DNAI4: variants seen among roughly 807,000 people sequenced by gnomAD.
DNAI4 encodes the protein WD repeat domain 78.
DNAI4 carries 85 observed loss-of-function variants against 105.8 expected under a neutral mutation model. That is an observed-to-expected ratio of 0.80 (90% CI 0.67 to 0.96). DNAI4 has a LOEUF of 0.96. Ranked by LOEUF, DNAI4 falls within the 40% of genes least tolerant of loss-of-function variation. DNAI4 has a pLI of 0.00. For missense variants in DNAI4, 1,014 were observed against 1,005.6 expected (o/e 1.01, Z -0.11); for synonymous variants, 352 against 331.5 (o/e 1.06, Z -0.67).
chr1:66,915,993 G>A (rs547530392), intron 1 of DNAI4, among the ~76,000 whole-genome samples: 9 of 150,636 alleles, frequency 6.0e-5, no homozygotes, highest in African/African-American at 1.7e-4. Context: ...GTGGTGGTGT[G>A]CACCTATAAT....
chr1:66,878,058 C>A (rs1034439431), intron 4 of DNAI4, among the ~76,000 whole-genome samples: 1 of 152,100 alleles, frequency 6.6e-6, no homozygotes, highest in Non-Finnish European at 1.5e-5. Flanking sequence ...ACATGCAAAG[C>A]CCATACTTGT....
intron 1 of DNAI4, among the ~76,000 whole-genome samples, chr1:66,907,870 G>A (rs1404803107): frequency 6.6e-6 from 1 of 152,046 alleles, no homozygotes; most frequent in Non-Finnish European, 1.5e-5. Flanking sequence ...TATTTTTCCA[G>A]CTTAAATACC....
intron 1 of DNAI4, among the ~76,000 whole-genome samples, chr1:66,916,309 T>G (rs1650071957): frequency 6.6e-6 from 1 of 152,204 alleles, no homozygotes; most frequent in African/African-American, 2.4e-5. Flanking sequence ...AGATTAAATT[T>G]TTTTTAAATT....
At chr1:66,854,891 T>C (rs1259976756) in intron 7 of DNAI4, among the ~76,000 whole-genome samples, 1 of 152,194 alleles carries the variant, frequency 6.6e-6, no homozygotes, top group Non-Finnish European at 1.5e-5. Flanking sequence ...ACATTCCATG[T>C]TCACAGATTG....
At chr1:66,855,947 G>T (rs1646490754) in intron 7 of DNAI4, among the ~76,000 whole-genome samples, 1 of 152,026 alleles carries the variant, frequency 6.6e-6, no homozygotes, top group Non-Finnish European at 1.5e-5. Context: ...CGATTCTCCT[G>T]CCTCAGCCTC....
chr1:66,863,613 C>T (rs1483182604), intron 6 of DNAI4, among the ~76,000 whole-genome samples: 2 of 152,104 alleles, frequency 1.3e-5, no homozygotes, highest in Non-Finnish European at 2.9e-5. Context: ...GCACCCACAC[C>T]ACGCCTGGCT....
intron 16 of DNAI4, among the ~76,000 whole-genome samples, chr1:66,817,583 A>G (rs1465904683): frequency 6.6e-6 from 1 of 152,030 alleles, no homozygotes; most frequent in Non-Finnish European, 1.5e-5. Context: ...AAAGAAAAAA[A>G]GAAAAAAAAA....
intron 1 of DNAI4, among the ~76,000 whole-genome samples, chr1:66,914,009 AACG>A: frequency 6.6e-6 from 1 of 151,652 alleles, no homozygotes; most frequent in East Asian, 2.0e-4. Context: ...AGAAGGTGGA[AACG>A]ACTCAGTGGT....
chr1:66,844,084 C>CAAAA (rs55925419), intron 8 of DNAI4, among the ~76,000 whole-genome samples: 28,935 of 65,804 alleles, frequency 0.44, 8,175 homozygotes, highest in Non-Finnish European at 0.5. Flanking sequence ...ACTGGAGATT[C>CAAAA]AAAAAAAAAA....
At position 66,890,906 on chromosome 1, in the gene DNAI4, G is replaced by A. The variant is rs1310558194; in HGVS notation, c.643+248C>T. On this transcript the variant is annotated intron_variant, in intron 4 of 16. Coordinates refer to ENST00000371026, the MANE Select transcript of DNAI4 (RefSeq NM_024763.5). This position sits in a 1 kb window ranked among gnomAD's most constrained non-coding sequence, Gnocchi z 4.1. ...AGAAGCAGAAGCAGCAGCAGCAACA[G>A]CAGCAGCAGAAGCAGCAGCTGAGCT... 2 of 509,404 alleles carry A rather than the reference G, an allele frequency of 3.9e-6. No individual in the cohort carries two copies. The highest frequency in any genetic ancestry group is 7.0e-6 in the Non-Finnish European group (2 of 286,322). 31.6% of individuals were successfully genotyped at this position (509,404 alleles called of 1,614,324 possible). A position where few individuals can be genotyped will look rare whatever the true frequency, so the allele number is the denominator to read the frequency against.
chr1:66,842,354 C>T (rs976820159), intron 8 of DNAI4, among the ~76,000 whole-genome samples: 2 of 152,086 alleles, frequency 1.3e-5, no homozygotes, highest in Non-Finnish European at 2.9e-5. Context: ...ATTACTAAAT[C>T]ATACGGTAAG....
chr1:66,892,956 AG>A (rs1647811897), intron 3 of DNAI4, among the ~76,000 whole-genome samples: 1 of 112,300 alleles, frequency 8.9e-6, no homozygotes, highest in African/African-American at 4.1e-5. Context: ...AAGAGAAGAA[AG>A]AAAGAAAGAA....
At chr1:66,904,845 T>G (rs1649117657) in intron 2 of DNAI4, 1 of 228,176 alleles carries the variant, frequency 4.4e-6, no homozygotes, top group Admixed American at 5.7e-5. Flanking sequence ...AATCTTCTAG[T>G]AAGGCAAAAT....
chr1:66,907,258 T>G (rs1461286593), intron 1 of DNAI4, among the ~76,000 whole-genome samples: 1 of 152,226 alleles, frequency 6.6e-6, no homozygotes, highest in Admixed American at 6.5e-5. Flanking sequence ...GTTTCTGTCA[T>G]ACCACAGACT....
chr1:66,839,105 A>C (rs1178327976), intron 9 of DNAI4, among the ~76,000 whole-genome samples: 1 of 152,186 alleles, frequency 6.6e-6, no homozygotes, highest in African/African-American at 2.4e-5. Flanking sequence ...GTTTCTAAAA[A>C]TGTTTCATAT....
chr1:66,821,890 G>T lies in DNAI4; in HGVS notation c.2496+471C>A, dbSNP rs543914096. On this transcript the variant is annotated intron_variant, in intron 16 of 16. Transcript: ENST00000371026. ...TATTGACACTGAGTTGTCTGTCAAA[G>T]TTCGACACAAAACTTGGGTATTTGA... Among the ~76,000 whole-genome samples the T allele has an allele frequency of 2.0e-5, 3 of 152,122 alleles. No homozygotes were observed. The East Asian group carries it at 5.8e-4, about 29-fold the overall frequency.
intron 6 of DNAI4, among the ~76,000 whole-genome samples, chr1:66,870,284 A>C (rs974551247): frequency 6.6e-6 from 1 of 151,936 alleles, no homozygotes. Context: ...TCTACTAAAA[A>C]TACAAAAATT....
chr1:66,877,419 C>T (rs913062804), intron 4 of DNAI4, among the ~76,000 whole-genome samples: 2 of 152,102 alleles, frequency 1.3e-5, no homozygotes, highest in Non-Finnish European at 2.9e-5. Flanking sequence ...ACAGAATCAC[C>T]CAAGGGCTTA....
chr1:66,883,180 C>CT (rs755412295), intron 4 of DNAI4, among the ~76,000 whole-genome samples: 1,202 of 93,036 alleles, frequency 0.013, 14 homozygotes, highest in Middle Eastern at 0.05. Flanking sequence ...GTTTTCTTTT[C>CT]TTTTTTTTTT....
Sources: gnomAD v4.1 joint callset for allele counts (sites outside exome capture counted in the v4.1 genomes callset) on GRCh38, gnomAD v4.1.1 for gene constraint, Gnocchi (gnomAD v3.1) non-coding constraint, MANE v1.5 for transcripts, NCBI Gene and HGNC (gene_info 2026-07-23, HGNC 2026-07-21) for gene names.